Variants in ENPP5 observed in about 807,000 individuals in gnomAD.
ENPP5 encodes the protein E-NPP 5.
Under a neutral mutation model 33.7 loss-of-function variants are expected in ENPP5, and 27 were observed. That is an observed-to-expected ratio of 0.80 (90% CI 0.59 to 1.11). The LOEUF (loss-of-function observed/expected upper bound fraction) is 1.11. Among genes scored for constraint, ENPP5 ranks in the 50% least tolerant of loss-of-function variants. ENPP5 has a pLI of 0.00. For missense variants in ENPP5, 552 were observed against 579.2 expected, an observed-to-expected ratio of 0.95 and a Z score of 0.48; for synonymous variants, 199 against 200.5, an observed-to-expected ratio of 0.99 and a Z score of 0.06.
chr6:46,165,347 A>C, intron 4 of ENPP5, 40 bp downstream of exon 4: 1 of 1,458,540 alleles, frequency 6.9e-7, no homozygotes, highest in Non-Finnish European at 9.1e-7. Flanking sequence ...TTTTAGCAAA[A>C]AGTAATGCAG....
At chr6:46,165,224 A>G in intron 4 of ENPP5, 163 bp downstream of exon 4, 1 of 537,350 alleles carries the variant, frequency 1.9e-6, no homozygotes, top group South Asian at 3.9e-5. Context: ...ACCAATATCT[A>G]AAAAAAGCAT....
chr6:46,164,366 G>T (rs1764474659), intron 4 of ENPP5, among the ~76,000 whole-genome samples: 1 of 152,240 alleles, frequency 6.6e-6, no homozygotes, highest in South Asian at 2.1e-4. Flanking sequence ...AGCTGATGTG[G>T]ATGCTGGTGG....
rs190920624 is a variant in ENPP5, at chr6:46,167,971, G to T, written c.292C>A (p.Pro98Thr). The T allele has an allele frequency of 1.9e-6, 3 of 1,614,098 alleles. No individual in the cohort carries two copies. In the East Asian group the frequency reaches 6.7e-5, roughly 36 times the overall value. The change falls in exon 3 of 5, where the codon CCT becomes ACT. Residue 98 changes from proline to threonine, a missense_variant. Transcript: ENST00000371383. ...AAGGAGAAAGATTTGTTCCGAATAG[G>T]ATCAAACATATCATTTGCAACAATC... ...HGIVANDMFD[P>T]IRNKSFSLDH... is the part of the protein sequence containing the mutation.
At position 46,161,058 on chromosome 6, in the gene ENPP5, G is replaced by A. The variant is rs140279334; in HGVS notation, c.*268C>T. The A allele has an allele frequency of 3.0e-5, 12 of 404,702 alleles. No homozygotes were observed. Among genetic ancestry groups the A allele is most frequent in the Non-Finnish European group, 4.1e-5 (9 of 220,734 alleles). The allele number at this position is 404,702 out of a possible 1,614,324, so 25.1% of individuals were successfully genotyped here. A position where few individuals can be genotyped will look rare whatever the true frequency, so the allele number is the denominator to read the frequency against. On this transcript the variant is annotated 3_prime_UTR_variant, in exon 5 of 5. Coordinates refer to ENST00000371383, the MANE Select transcript of ENPP5 (RefSeq NM_001290072.2). ...GTTGCTAAATATATACATTATCTGC[G>A]CCAAGTCCAAATAAAGCAGGATCTT...
Position 46,168,223 on chromosome 6 carries a change from C to A in ENPP5, c.40G>T (p.Ala14Ser). 6.2e-7 allele frequency: 1 copy of A among 1,605,942 alleles called. No individual in the cohort carries two copies. Among genetic ancestry groups the A allele is most frequent in the Non-Finnish European group, 8.5e-7 (1 of 1,174,640 alleles). The part of the protein sequence containing the change: ...KFLLVSFILA[A>S]LSLSTTFSLQ... ...GAAAAGGTGGTTGAAAGACTCAGTG[C>A]AGCAAGTATGAAGGACACCAAGAGA... The change falls in exon 3 of 5, where the codon GCA becomes TCA. Residue 14 changes from alanine to serine, a missense_variant. Ala to Ser is a moderately conservative substitution (Grantham distance 99). Transcript: ENST00000371383.
rs1039204158 is a variant in ENPP5 at position 46,161,615 on chromosome 6, T to C, written c.1145A>G (p.Asn382Ser). Residue 382 changes from asparagine to serine, a missense_variant, in exon 5 of 5, where the codon AAT becomes AGT. Coordinates refer to ENST00000371383, the MANE Select transcript of ENPP5 (RefSeq NM_001290072.2). ...DLYPLLCHLL[N>S]ITAMPHNGSF... ...TCCATTGTGTGGCATGGCGGTGATA[T>C]TGAGGAGGTGGCATAGTAGTGGGTA... 10 of 1,613,932 alleles carry C rather than the reference T, an allele frequency of 6.2e-6. No homozygotes were observed. The African/African-American group carries it at 8.0e-5, about 13-fold the overall frequency.
At chr6:46,163,865 AATGGTG>A (rs1478498532) in intron 4 of ENPP5, among the ~76,000 whole-genome samples, 2 of 152,184 alleles carry the variant, frequency 1.3e-5, no homozygotes, top group Non-Finnish European at 2.9e-5. Context: ...CTATTTAATA[AATGGTG>A]ATGGGAAAAC....
In ENPP5 at chr6:46,167,779, A is replaced by T; in HGVS notation, c.484T>A (p.Ser162Thr). ...ATTTTGGCAACTCTATCTTCAAATG[A>T]AACTGACTCATTGTAAGGCATGTAA... Reference protein sequence around the residue: ...THYMPYNESVSFEDRVAKIIE... With the variant: ...THYMPYNESVTFEDRVAKIIE... The change falls in exon 3 of 5, where the codon TCA becomes ACA. Residue 162 changes from serine to threonine, a missense_variant. Transcript: ENST00000371383. The T allele has an allele frequency of 1.2e-6, 2 of 1,614,164 alleles. No individual in the cohort carries two copies. The highest frequency in any genetic ancestry group is 1.7e-6 in the Non-Finnish European group (2 of 1,180,024).
At chr6:46,162,807 A>T (rs1201779642) in intron 4 of ENPP5, among the ~76,000 whole-genome samples, 1 of 152,210 alleles carries the variant, frequency 6.6e-6, no homozygotes, top group Non-Finnish European at 1.5e-5. Flanking sequence ...CACTGAAATT[A>T]TGAATCACTA....
At position 46,168,098 on chromosome 6, in the gene ENPP5, C is replaced by T. The variant is rs1764611520; in HGVS notation, c.165G>A (p.Met55Ile). ...CTTGCTTCACGTGAACACCATATTTCATAATATAATGAAAATGGGGCGTTG... is the reference window on the plus strand; with the variant it reads ...CTTGCTTCACGTGAACACCATATTTTATAATATAATGAAAATGGGGCGTTG... ...KVPTPHFHYI[M>I]KYGVHVKQVT... The change falls in exon 3 of 5, where the codon ATG (methionine) becomes ATA (isoleucine). Residue 55 changes from methionine (M) to isoleucine (I), a missense_variant. Transcript: ENST00000371383. 1 of 1,613,774 alleles carries T rather than the reference C, an allele frequency of 6.2e-7. No homozygotes were observed. The highest frequency in any genetic ancestry group is 1.7e-5 in the Admixed American group (1 of 59,992).
intron 4 of ENPP5, among the ~76,000 whole-genome samples, chr6:46,162,830 C>T (rs1279112892): frequency 6.6e-6 from 1 of 152,128 alleles, no homozygotes; most frequent in Non-Finnish European, 1.5e-5. Context: ...AATTATCTGA[C>T]AGGGTACTAT....
Position 46,160,229 on chromosome 6 carries a change from G to A in ENPP5, c.*1097C>T, listed in dbSNP as rs1764343534. 6.6e-6 allele frequency: 1 copy of A among 152,110 alleles called. No homozygotes were observed. The highest frequency in any genetic ancestry group is 1.5e-5 in the Non-Finnish European group (1 of 68,032). The allele number at this position is 152,110 out of a possible 1,614,324, so 9.4% of individuals were successfully genotyped here. A position where few individuals can be genotyped will look rare whatever the true frequency, so the allele number is the denominator to read the frequency against. On this transcript the variant is annotated 3_prime_UTR_variant, in exon 5 of 5. Coordinates refer to ENST00000371383, the MANE Select transcript of ENPP5 (RefSeq NM_001290072.2). Reference sequence around the variant, plus strand: ...TGGGTGTCTTGTAAACATCTCACATGTGGTCCTAATTTTTTTTTCCAGGCT... The same window carrying A: ...TGGGTGTCTTGTAAACATCTCACATATGGTCCTAATTTTTTTTTCCAGGCT...
At chr6:46,166,216 C>T (rs1764539822) in intron 3 of ENPP5, among the ~76,000 whole-genome samples, 2 of 151,384 alleles carry the variant, frequency 1.3e-5, no homozygotes, top group South Asian at 2.1e-4. Flanking sequence ...TCCCTTCCTC[C>T]TTCCCTCCCT....
chr6:46,167,571 A>T lies in ENPP5; in HGVS notation c.692T>A (p.Leu231Gln), dbSNP rs752716565. The T allele has an allele frequency of 1.2e-6, 2 of 1,614,206 alleles. No homozygotes were observed. Among genetic ancestry groups the T allele is most frequent in the Non-Finnish European group, 1.7e-6 (2 of 1,180,018 alleles). The change falls in exon 3 of 5, where the codon CTG becomes CAG. Residue 231 changes from leucine to glutamine, a missense_variant. Transcript: ENST00000371383. ...MLKKAKLWNT[L>Q]NLIITSDHGM... ...ATGATCACTTGTGATGATTAGGTTC[A>T]GAGTGTTCCACAACTTTGCCTTTTT...
intron 4 of ENPP5, among the ~76,000 whole-genome samples, chr6:46,163,970 C>G (rs1581968367): frequency 6.6e-6 from 1 of 152,224 alleles, no homozygotes; most frequent in South Asian, 2.1e-4. Flanking sequence ...GACTTAAACG[C>G]TAGACCTAAA....
chr6:46,166,179 C>T (rs1229953365), intron 3 of ENPP5, among the ~76,000 whole-genome samples: 2 of 151,880 alleles, frequency 1.3e-5, no homozygotes, highest in Non-Finnish European at 2.9e-5. Context: ...AATTTTCTCC[C>T]CTTCCATTTC....
At chr6:46,162,770 C>T (rs1764428834) in intron 4 of ENPP5, among the ~76,000 whole-genome samples, 2 of 152,188 alleles carry the variant, frequency 1.3e-5, no homozygotes, top group Admixed American at 6.5e-5. Context: ...TGCCATGATT[C>T]TTTTAGGTTT....
At position 46,161,301 on chromosome 6, in the gene ENPP5, T is replaced by C. The variant is rs115235333; in HGVS notation, c.*25A>G. ...CATAATTATGGAATCTCCACTTCAA[T>C]ATGCAAATCCACTTCAAAGTAACAT... is the stretch of plus-strand genomic sequence containing the variant. On this transcript the variant is annotated 3_prime_UTR_variant, in exon 5 of 5. Transcript: ENST00000371383. 2,681 of 1,576,448 alleles carry C rather than the reference T, an allele frequency of 1.7e-3. 25 individuals carry two copies. The African/African-American group carries it at 0.028, about 17-fold the overall frequency.
At position 46,167,486 on chromosome 6, in the gene ENPP5, G is replaced by A; in HGVS notation, c.777C>T (p.Asp259=). 6.2e-7 allele frequency: 1 copy of A among 1,614,154 alleles called. No homozygotes were observed. Among genetic ancestry groups the A allele is most frequent in the Non-Finnish European group, 8.5e-7 (1 of 1,180,004 alleles). ...LIELDQYLDK[D]HYTLIDQSPV... ...GAGATTGATCAATCAGGGTATAGTG[G>A]TCTTTATCCAGGTACTGGTCAAGTT... The change falls in exon 3 of 5, where the codon GAC becomes GAT. Residue 259 remains aspartate, a synonymous_variant. Coordinates refer to ENST00000371383, the MANE Select transcript of ENPP5 (RefSeq NM_001290072.2).
Sources: allele counts gnomAD v4.1 joint callset (sites outside exome capture counted in the v4.1 genomes callset), GRCh38; gene constraint gnomAD v4.1.1; transcripts MANE v1.5; gene names NCBI Gene and HGNC (gene_info 2026-07-23, HGNC 2026-07-21).